SYNE1: variants seen among roughly 807,000 people sequenced by gnomAD.
SYNE1 encodes spectrin repeat containing nuclear envelope protein 1, also known as nesprin-1.
SYNE1 carries 616 observed loss-of-function variants against 1,111.0 expected under a neutral mutation model. That is an observed-to-expected ratio of 0.55 (90% CI 0.52 to 0.59). SYNE1 has a LOEUF of 0.59. Ranked by LOEUF, SYNE1 falls within the 20% of genes least tolerant of loss-of-function variation. The pLI is 0.00. For missense variants in SYNE1, 10,006 were observed against 10,417.0 expected, an observed-to-expected ratio of 0.96 and a Z score of 1.72; for synonymous variants, 3,855 against 3,825.8, an observed-to-expected ratio of 1.01 and a Z score of -0.28.
chr6:152,581,496 T>G (rs1165791241), intron 3 of SYNE1, among the ~76,000 whole-genome samples: 1 of 152,200 alleles, frequency 6.6e-6, no homozygotes, highest in Non-Finnish European at 1.5e-5. Flanking sequence ...AAAATAACCA[T>G]GTAAACATGC....
At chr6:152,536,397 TA>T (rs1235359778) in intron 4 of SYNE1, among the ~76,000 whole-genome samples, 33 of 117,072 alleles carry the variant, frequency 2.8e-4, no homozygotes, top group African/African-American at 5.9e-4. Flanking sequence ...TATTTATATA[TA>T]TACTATATAT....
Position 152,350,185 on chromosome 6 carries a change from G to C in SYNE1, c.11884C>G (p.Gln3962Glu), listed in dbSNP as rs757451697. Residue 3962 changes from glutamine (Q) to glutamate (E), a missense_variant, in exon 72 of 146, where the codon CAA (glutamine) becomes GAA (glutamate). Physicochemically the swap from Gln to Glu is conservative, Grantham distance 29 (BLOSUM62 2). Transcript: ENST00000367255. ...ETSSLETITQ[Q>E]LAHHKAMMEE... Reference sequence around the variant, plus strand: ...AGGGGTACCTTGTGGTGGGCCAATTGCTGGGTGATTGTCTCCAGGCTGCTT... The same window carrying C: ...AGGGGTACCTTGTGGTGGGCCAATTCCTGGGTGATTGTCTCCAGGCTGCTT... 7 of 1,613,498 alleles carry C rather than the reference G, an allele frequency of 4.3e-6. No individual in the cohort carries two copies. The highest frequency in any genetic ancestry group is 5.9e-6 in the Non-Finnish European group (7 of 1,180,040).
intron 46 of SYNE1, among the ~76,000 whole-genome samples, chr6:152,403,364 T>C (rs2097849828): frequency 6.6e-6 from 1 of 152,176 alleles, no homozygotes; most frequent in Non-Finnish European, 1.5e-5. Context: ...TGGTGATCCC[T>C]CTAAACCCAG....
At position 152,201,804 on chromosome 6, in the gene SYNE1, A is replaced by G. The variant is rs1224711213; in HGVS notation, c.23145+20T>C. The G allele has an allele frequency of 6.2e-7, 1 of 1,613,654 alleles. No homozygotes were observed. Among genetic ancestry groups the G allele is most frequent in the African/African-American group, 1.3e-5 (1 of 74,848 alleles). ...CAGAGGCACACAGGTGACGGTGAAAATCTCAGTTCAGTAATTTACCTTGCA... is the reference window on the plus strand; with the variant it reads ...CAGAGGCACACAGGTGACGGTGAAAGTCTCAGTTCAGTAATTTACCTTGCA... On this transcript the variant is annotated intron_variant, in intron 127 of 145. Coordinates refer to ENST00000367255, the MANE Select transcript of SYNE1 (RefSeq NM_182961.4).
At chr6:152,551,929 C>G (rs2099348397) in intron 3 of SYNE1, among the ~76,000 whole-genome samples, 1 of 152,214 alleles carries the variant, frequency 6.6e-6, no homozygotes, top group African/African-American at 2.4e-5. Flanking sequence ...TGTGGCGTCT[C>G]CTGCTTTTGC....
At chr6:152,523,763 TC>T (rs1293450911) in intron 5 of SYNE1, among the ~76,000 whole-genome samples, 1 of 152,156 alleles carries the variant, frequency 6.6e-6, no homozygotes, top group Non-Finnish European at 1.5e-5. Context: ...GCGAGATCTT[TC>T]AACTCCTTGA....
chr6:152,428,303 A>C lies in SYNE1; in HGVS notation c.4878T>G (p.Val1626=), dbSNP rs558371672. The change falls in exon 37 of 146, where the codon GTT becomes GTG. Residue 1626 remains valine, a synonymous_variant. Transcript: ENST00000367255. ...GCTGCTGTAGAGCCGCAGCCTCCTG[A>C]ACACAGGAATCTCTGTTCACAACCT... The part of the protein sequence containing the change: ...ARKVVNRDSC[V]QEAAALQQQY... The C allele has an allele frequency of 6.2e-7, 1 of 1,614,008 alleles. No homozygotes were observed. Among genetic ancestry groups the C allele is most frequent in the African/African-American group, 1.3e-5 (1 of 74,928 alleles).
At position 152,278,148 on chromosome 6, in the gene SYNE1, G is replaced by A. The variant is rs148159729; in HGVS notation, c.18514C>T (p.Leu6172Phe). ...TGCAGCTCCAGCAGGCTCCCCTTGA[G>A]CCTTCTCAGCTTTCCAGCCAGCTGC... ...AEQLAGKLRR[L>F]KGSLLELQRA... is the part of the protein sequence containing the mutation. The change falls in exon 98 of 146, where the codon CTC becomes TTC. Residue 6172 changes from leucine (L) to phenylalanine (F), a missense_variant. By Grantham distance (22) the Leu-to-Phe change is conservative. Around this residue, in one of 7 missense-constraint regions of SYNE1, gnomAD observed 2,182 missense variants for 2,287.8 expected, o/e 0.95. Coordinates refer to ENST00000367255, the MANE Select transcript of SYNE1 (RefSeq NM_182961.4). 1 of 1,614,084 alleles carries A rather than the reference G, an allele frequency of 6.2e-7. No homozygotes were observed. Among genetic ancestry groups the A allele is most frequent in the Non-Finnish European group, 8.5e-7 (1 of 1,180,042 alleles).
chr6:152,566,467 G>A (rs1352116665), intron 3 of SYNE1, among the ~76,000 whole-genome samples: 2 of 151,884 alleles, frequency 1.3e-5, no homozygotes, highest in South Asian at 2.1e-4. Context: ...GAGGTGCAGA[G>A]GGGACACAGG....
At chr6:152,468,004 A>T (rs2098781659) in intron 16 of SYNE1, among the ~76,000 whole-genome samples, 1 of 152,166 alleles carries the variant, frequency 6.6e-6, no homozygotes, top group South Asian at 2.1e-4. Context: ...AGATTCATTT[A>T]TTTCTTTCAA....
intron 74 of SYNE1, among the ~76,000 whole-genome samples, chr6:152,342,179 G>A (rs994007856): frequency 6.6e-6 from 1 of 152,104 alleles, no homozygotes; most frequent in Non-Finnish European, 1.5e-5. Context: ...CTGTGACCAC[G>A]GCTTACTCTG....
At chr6:152,553,658 A>G (rs1358024355) in intron 3 of SYNE1, among the ~76,000 whole-genome samples, 2 of 152,124 alleles carry the variant, frequency 1.3e-5, no homozygotes, top group Admixed American at 1.3e-4. Flanking sequence ...CAGAGCAGGA[A>G]ATGTTTATGG....
At chr6:152,241,862 A>C (rs1028643180) in intron 107 of SYNE1, among the ~76,000 whole-genome samples, 3 of 152,124 alleles carry the variant, frequency 2.0e-5, no homozygotes, top group Admixed American at 2.0e-4. Context: ...AATGGGCAAA[A>C]AGGAAACACA....
rs138643258 is a variant in SYNE1 at position 152,213,157 on chromosome 6, T to C, written c.22494+455A>G. Among the ~76,000 whole-genome samples the C allele has an allele frequency of 5.1e-3, 778 of 152,326 alleles. 13 individuals carry two copies. The highest frequency in any genetic ancestry group is 0.018 in the African/African-American group (749 of 41,572). On this transcript the variant is annotated intron_variant, in intron 123 of 145. Coordinates refer to ENST00000367255, the MANE Select transcript of SYNE1 (RefSeq NM_182961.4). ...AATCAAGAGGTACACCTGGAGACAT[T>C]TGATAGATTGATTTCCTGGTATAAA...
intron 29 of SYNE1, among the ~76,000 whole-genome samples, chr6:152,445,627 C>T (rs748265139): frequency 3.3e-5 from 5 of 152,028 alleles, no homozygotes; most frequent in East Asian, 1.9e-4. Context: ...TGAGACCTTA[C>T]GAAAACCACA....
chr6:152,538,733 C>G lies in SYNE1; in HGVS notation c.129+1227G>C, dbSNP rs544957538. Among the ~76,000 whole-genome samples the G allele has an allele frequency of 9.2e-5, 14 of 152,060 alleles. 1 individual carries two copies. The South Asian group carries it at 2.5e-3, about 27-fold the overall frequency. Reference sequence around the variant, plus strand: ...TTTAAAAAATAAGCCCCAAAGTCATCAATCCTATGTATCCACTGCCTTTTT... The same window carrying G: ...TTTAAAAAATAAGCCCCAAAGTCATGAATCCTATGTATCCACTGCCTTTTT... On this transcript the variant is annotated intron_variant, in intron 4 of 145. Transcript: ENST00000367255.
At chr6:152,519,612 TAAA>T (rs2099129190) in intron 6 of SYNE1, among the ~76,000 whole-genome samples, 1 of 152,094 alleles carries the variant, frequency 6.6e-6, no homozygotes, top group Non-Finnish European at 1.5e-5. Flanking sequence ...TTCCAATTAA[TAAA>T]TATAGAAGGA....
chr6:152,519,875 T>C (rs2099130377), intron 6 of SYNE1, among the ~76,000 whole-genome samples: 1 of 152,122 alleles, frequency 6.6e-6, no homozygotes, highest in African/African-American at 2.4e-5. Context: ...GCACCCTACA[T>C]TTACTAATAT....
At chr6:152,610,067 A>G (rs2099626919) in intron 3 of SYNE1, among the ~76,000 whole-genome samples, 1 of 152,236 alleles carries the variant, frequency 6.6e-6, no homozygotes. Flanking sequence ...TGAAAATTCT[A>G]AACACCAGAG....
Sources: allele counts gnomAD v4.1 joint callset (sites outside exome capture counted in the v4.1 genomes callset), GRCh38; gene constraint gnomAD v4.1.1; regional missense constraint gnomAD v4.1.1; transcripts MANE v1.5; gene names NCBI Gene and HGNC (gene_info 2026-07-23, HGNC 2026-07-21).